Variants in SUGCT observed in about 807,000 individuals in gnomAD.
SUGCT encodes succinyl-CoA:glutarate CoA-transferase.
Under a neutral mutation model 55.0 loss-of-function variants are expected in SUGCT, and 41 were observed. The observed-to-expected ratio is 0.74, with a 90% CI of 0.58 to 0.97. The LOEUF (loss-of-function observed/expected upper bound fraction) is 0.97, where lower values mean the gene tolerates loss of function less well. SUGCT is among the 50% of genes least tolerant of loss of function. The probability of loss-of-function intolerance (pLI) is 0.00; values close to 1 mark genes in which losing one functional copy is unlikely to be tolerated. For missense variants in SUGCT, 568 were observed against 547.8 expected, an observed-to-expected ratio of 1.04 and a Z score of -0.37; for synonymous variants, 187 against 200.4, an observed-to-expected ratio of 0.93 and a Z score of 0.56.
chr7:40,554,299 A>G (rs1038776701), intron 12 of SUGCT, among the ~76,000 whole-genome samples: 1 of 152,214 alleles, frequency 6.6e-6, no homozygotes, highest in East Asian at 1.9e-4. Context: ...GTTTCCCTAA[A>G]TGTAACAACA....
chr7:40,601,738 C>CTT (rs753210004), intron 12 of SUGCT, among the ~76,000 whole-genome samples: 6 of 143,208 alleles, frequency 4.2e-5, no homozygotes, highest in Non-Finnish European at 7.7e-5. Flanking sequence ...AATGTGAGGA[C>CTT]TTTTTTTTTT....
Position 40,239,635 on chromosome 7 carries a change from A to T in SUGCT, c.576+1909A>T, listed in dbSNP as rs116676892. On this transcript the variant is annotated intron_variant, in intron 7 of 13. Transcript: ENST00000335693. ...GGGGGATTACTGTAGTTCCTTTAGTACATTGCACTGTGGTCTAACAGGGAT... is the reference window on the plus strand; with the variant it reads ...GGGGGATTACTGTAGTTCCTTTAGTTCATTGCACTGTGGTCTAACAGGGAT... 4.8e-3 allele frequency among the ~76,000 whole-genome samples: 737 copies of T among 152,330 alleles called. 6 individuals carry two copies. Among genetic ancestry groups the T allele is most frequent in the African/African-American group, 0.017 (701 of 41,564 alleles).
rs183839420 is a variant in SUGCT at position 40,290,832 on chromosome 7, A to G, written c.720+16176A>G. Among the ~76,000 whole-genome samples, 6 of 152,334 alleles carry G rather than the reference A, an allele frequency of 3.9e-5. No individual in the cohort carries two copies. The East Asian group carries it at 1.2e-3, about 29-fold the overall frequency. ...AAGAAAAAAACAGACAATCCCATCA[A>G]AAAGTGGGTGAAGGATATGAACAGA... On this transcript the variant is annotated intron_variant, in intron 8 of 13. Coordinates refer to ENST00000335693, the MANE Select transcript of SUGCT (RefSeq NM_001193313.2).
intron 1 of SUGCT, among the ~76,000 whole-genome samples, chr7:40,167,812 T>G (rs886100986): frequency 6.6e-6 from 1 of 151,002 alleles, no homozygotes. Context: ...CAGCGGCGGG[T>G]CTGCGACAGC....
chr7:40,785,267 A>C (rs1789954807), intron 13 of SUGCT: 1 of 152,206 alleles, frequency 6.6e-6, no homozygotes, highest in Admixed American at 6.5e-5. Flanking sequence ...TATTTTTACT[A>C]ATTCTTTAGG....
chr7:40,731,634 G>A (rs149037855), intron 12 of SUGCT, among the ~76,000 whole-genome samples: 91 of 151,184 alleles, frequency 6.0e-4, no homozygotes, highest in African/African-American at 2.1e-3. Context: ...ACCAACCTGC[G>A]CCTGAGTTCA....
At chr7:40,250,089 A>C (rs1405731529) in intron 7 of SUGCT, among the ~76,000 whole-genome samples, 1 of 151,958 alleles carries the variant, frequency 6.6e-6, no homozygotes, top group Non-Finnish European at 1.5e-5. Flanking sequence ...GCCCGGCTTA[A>C]TTGGCTTTTA....
chr7:40,936,955 A>T, the SUGCT span, among the ~76,000 whole-genome samples: 1 of 152,040 alleles, frequency 6.6e-6, no homozygotes, highest in Admixed American at 6.6e-5. Context: ...TTTGTATGTC[A>T]TGTCAATTCT....
chr7:40,859,064 C>G (rs570898774), intron 13 of SUGCT, among the ~76,000 whole-genome samples: 254 of 152,190 alleles, frequency 1.7e-3, no homozygotes, highest in South Asian at 3.1e-3. Context: ...ATGGGCTCCT[C>G]AAATCAAGAG....
intron 6 of SUGCT, among the ~76,000 whole-genome samples, chr7:40,231,325 G>A (rs1788713045): frequency 6.6e-6 from 1 of 152,146 alleles, no homozygotes; most frequent in Non-Finnish European, 1.5e-5. Flanking sequence ...CGTAATTCTA[G>A]GTGCTAAAGA....
At chr7:40,704,648 ACCTGAGAG>A (rs1785312846) in intron 12 of SUGCT, among the ~76,000 whole-genome samples, 1 of 152,142 alleles carries the variant, frequency 6.6e-6, no homozygotes. Context: ...GCTTCCACAT[ACCTGAGAG>A]CCTGATGTTA....
At chr7:40,273,623 A>G (rs35077118) in intron 7 of SUGCT, among the ~76,000 whole-genome samples, 2,597 of 152,316 alleles carry the variant, frequency 0.017, 41 homozygotes, top group South Asian at 0.044. Context: ...GACTGACATG[A>G]AGTGGAGATG....
intron 12 of SUGCT, among the ~76,000 whole-genome samples, chr7:40,639,513 A>AT (rs375633993): frequency 0.14 from 19,206 of 137,306 alleles, 2,092 homozygotes; most frequent in African/African-American, 0.3. Context: ...GCTTTTTCAG[A>AT]TTTTTTTTTT....
chr7:40,565,994 C>T (rs944016412), intron 12 of SUGCT, among the ~76,000 whole-genome samples: 1 of 23,424 alleles, frequency 4.3e-5, no homozygotes, highest in African/African-American at 9.6e-5. Context: ...CACACACACG[C>T]ACACACACAC....
At chr7:40,611,630 A>G (rs1282496589) in intron 12 of SUGCT, among the ~76,000 whole-genome samples, 2 of 152,232 alleles carry the variant, frequency 1.3e-5, no homozygotes, top group Non-Finnish European at 2.9e-5. Context: ...TGGTAGTAGT[A>G]ACAATAGTAC....
intron 9 of SUGCT, among the ~76,000 whole-genome samples, chr7:40,362,273 G>A (rs892118121): frequency 6.6e-6 from 1 of 152,062 alleles, no homozygotes; most frequent in African/African-American, 2.4e-5. Flanking sequence ...ACAAAAATTA[G>A]CTGGGTGTGG....
At chr7:40,838,523 T>G (rs1793106758) in intron 13 of SUGCT, among the ~76,000 whole-genome samples, 1 of 152,064 alleles carries the variant, frequency 6.6e-6, no homozygotes, top group South Asian at 2.1e-4. Flanking sequence ...TTGGAAGGAG[T>G]GTTGTGTTTT....
chr7:41,004,182 G>A, the SUGCT span, among the ~76,000 whole-genome samples: 1 of 152,190 alleles, frequency 6.6e-6, no homozygotes, highest in African/African-American at 2.4e-5. Flanking sequence ...CATGTTAAAT[G>A]TCTCATTAGG....
At chr7:40,695,609 A>G (rs1008262263) in intron 12 of SUGCT, among the ~76,000 whole-genome samples, 2 of 152,198 alleles carry the variant, frequency 1.3e-5, no homozygotes, top group Admixed American at 6.5e-5. Flanking sequence ...CGTAATGGCA[A>G]TGATCATAAC....
Sources: allele counts gnomAD v4.1 joint callset (sites outside exome capture counted in the v4.1 genomes callset), GRCh38; gene constraint gnomAD v4.1.1; transcripts MANE v1.5; gene names NCBI Gene and HGNC (gene_info 2026-07-23, HGNC 2026-07-21).